Variants in NTN1 observed in about 807,000 individuals in gnomAD.
NTN1 encodes the protein netrin 1, also known as netrin-1.
In NTN1, 11 loss-of-function variants were observed where a neutral mutation model predicts 54.2. The observed-to-expected ratio is 0.20, with a 90% confidence interval of 0.13 to 0.34. The LOEUF (loss-of-function observed/expected upper bound fraction) is 0.34. Among genes scored for constraint, NTN1 ranks in the 10% least tolerant of loss-of-function variants. The pLI is 1.00. For missense variants in NTN1, 740 were observed against 893.1 expected, an observed-to-expected ratio of 0.83 and a Z score of 2.18; for synonymous variants, 371 against 382.0, an observed-to-expected ratio of 0.97 and a Z score of 0.33.
Position 9,174,797 on chromosome 17 carries a change from G to C in NTN1, c.1208-5010G>C, listed in dbSNP as rs182829275. The C allele has an allele frequency of 3.1e-4, 47 of 152,546 alleles. 1 individual carries two copies. Among genetic ancestry groups the C allele is most frequent in the African/African-American group, 1.1e-3 (44 of 41,588 alleles). The allele number at this position is 152,546 out of a possible 1,614,324, so 9.4% of individuals were successfully genotyped here. A position where few individuals can be genotyped will look rare whatever the true frequency, so the allele number is the denominator to read the frequency against. On this transcript the variant is annotated intron_variant, in intron 3 of 6. Coordinates refer to ENST00000173229, the MANE Select transcript of NTN1 (RefSeq NM_004822.3). ...CATTGTGTGTGGCAGGGAGTACACA[G>C]TTTAGCCCATAGCACAAGGTCAGGC...
chr17:9,235,892 C>T (rs542957593), intron 6 of NTN1, among the ~76,000 whole-genome samples: 1 of 152,148 alleles, frequency 6.6e-6, no homozygotes, highest in South Asian at 2.1e-4. Flanking sequence ...GCTGGGACTA[C>T]AGGCGTCCAC....
At chr17:9,130,323 G>A (rs2092260669) in intron 2 of NTN1, among the ~76,000 whole-genome samples, 1 of 152,136 alleles carries the variant, frequency 6.6e-6, no homozygotes, top group Non-Finnish European at 1.5e-5. Context: ...ATCATCCTGA[G>A]GACTAAGGGA....
At chr17:9,198,461 A>G (rs1904695820) in intron 5 of NTN1, among the ~76,000 whole-genome samples, 1 of 152,214 alleles carries the variant, frequency 6.6e-6, no homozygotes, top group African/African-American at 2.4e-5. Flanking sequence ...GCACAGGTCC[A>G]GTCAAGGGGC....
intron 5 of NTN1, among the ~76,000 whole-genome samples, chr17:9,201,688 C>G (rs1288520155): frequency 6.6e-6 from 1 of 152,088 alleles, no homozygotes; most frequent in African/African-American, 2.4e-5. Context: ...GGATCAGATG[C>G]ACTACTTGGG....
At chr17:9,041,895 G>A (rs1456196749) in intron 2 of NTN1, among the ~76,000 whole-genome samples, 1 of 151,976 alleles carries the variant, frequency 6.6e-6, no homozygotes, top group Non-Finnish European at 1.5e-5. Flanking sequence ...TGTAGTCCCA[G>A]CCACTCGGGA....
chr17:9,226,163 G>GGGC (rs1555578681), intron 6 of NTN1, among the ~76,000 whole-genome samples: 7 of 142,264 alleles, frequency 4.9e-5, no homozygotes, highest in African/African-American at 1.3e-4. Flanking sequence ...ATTTGGGGTC[G>GGGC]GGGGGGGGCC....
In NTN1 at chr17:9,071,320, G is replaced by A. The variant is rs115922235; in HGVS notation, c.1018+47929G>A. On this transcript the variant is annotated intron_variant, in intron 2 of 6. Transcript: ENST00000173229. Reference sequence around the variant, plus strand: ...TTAAAGGGAAGCCTCTGGAACCACCGTGTTAAGCTCCTGACACGGTCCACA... The same window carrying A: ...TTAAAGGGAAGCCTCTGGAACCACCATGTTAAGCTCCTGACACGGTCCACA... Among the ~76,000 whole-genome samples the A allele has an allele frequency of 7.3e-3, 1,108 of 152,166 alleles. 10 individuals carry two copies. The highest frequency in any genetic ancestry group is 0.025 in the African/African-American group (1,058 of 41,526).
intron 2 of NTN1, among the ~76,000 whole-genome samples, chr17:9,057,995 C>T (rs894586213): frequency 6.6e-6 from 1 of 152,216 alleles, no homozygotes; most frequent in Non-Finnish European, 1.5e-5. Flanking sequence ...TCTAGCGATT[C>T]TCCTGCCTCA....
chr17:9,020,457 T>C (rs2091842351), upstream of NTN1, among the ~76,000 whole-genome samples: 3 of 152,222 alleles, frequency 2.0e-5, no homozygotes, highest in Admixed American at 1.3e-4. Flanking sequence ...AGATGCCCCA[T>C]GACACCATCA....
intron 2 of NTN1, among the ~76,000 whole-genome samples, chr17:9,154,304 C>G (rs1480484946): frequency 6.6e-6 from 1 of 152,170 alleles, no homozygotes; most frequent in Non-Finnish European, 1.5e-5. Flanking sequence ...TGCATGGTGC[C>G]CAGAATGCAC....
At chr17:9,075,171 C>T (rs146120693) in intron 2 of NTN1, among the ~76,000 whole-genome samples, 14 of 152,280 alleles carry the variant, frequency 9.2e-5, no homozygotes, top group South Asian at 8.3e-4. Context: ...CCTCCTCTCC[C>T]GGTTCTTCCA....
At chr17:9,118,374 C>G (rs548837676) in intron 2 of NTN1, among the ~76,000 whole-genome samples, 1 of 152,046 alleles carries the variant, frequency 6.6e-6, no homozygotes, top group Admixed American at 6.6e-5. Context: ...AAAAATTAAC[C>G]GGGCGTGGTG....
chr17:9,145,298 A>T (rs2092310292), intron 2 of NTN1, among the ~76,000 whole-genome samples: 1 of 152,168 alleles, frequency 6.6e-6, no homozygotes, highest in Non-Finnish European at 1.5e-5. Context: ...TCTTGTTCCC[A>T]AGCCCCCTAA....
intron 6 of NTN1, among the ~76,000 whole-genome samples, chr17:9,229,983 G>A (rs1306710325): frequency 1.3e-5 from 2 of 152,114 alleles, no homozygotes; most frequent in South Asian, 2.1e-4. Context: ...CAGATGAGCC[G>A]GGGAGGGGAG....
At chr17:9,193,646 GGC>G (rs1904527430) in intron 5 of NTN1, among the ~76,000 whole-genome samples, 2 of 152,108 alleles carry the variant, frequency 1.3e-5, no homozygotes, top group Non-Finnish European at 1.5e-5. Context: ...TATGCGGCTG[GGC>G]ACGGTGGCTC....
At position 9,188,818 on chromosome 17, in the gene NTN1, T is replaced by G. The variant is rs147919697; in HGVS notation, c.1411+5849T>G. 1.2e-3 allele frequency among the ~76,000 whole-genome samples: 178 copies of G among 152,196 alleles called. 1 individual carries two copies. The East Asian group carries it at 0.029, about 25-fold the overall frequency. ...GCTCTTGGTATAGGAGAAAGGGAGC[T>G]GTGGGGTCCACAGAGGAGACCACTG... On this transcript the variant is annotated intron_variant, in intron 5 of 6. Coordinates refer to ENST00000173229, the MANE Select transcript of NTN1 (RefSeq NM_004822.3).
At chr17:9,105,905 A>T (rs777870446) in intron 2 of NTN1, among the ~76,000 whole-genome samples, 12 of 151,942 alleles carry the variant, frequency 7.9e-5, no homozygotes, top group African/African-American at 2.9e-4. Context: ...ACACCCTGGT[A>T]TTCCGATTTA....
At chr17:9,036,822 A>G (rs1396076713) in intron 2 of NTN1, among the ~76,000 whole-genome samples, 1 of 151,974 alleles carries the variant, frequency 6.6e-6, no homozygotes, top group Non-Finnish European at 1.5e-5. Context: ...TGAATGATAC[A>G]TTTTCCAACC....
intron 2 of NTN1, among the ~76,000 whole-genome samples, chr17:9,114,162 AAAAAATATAT>A (rs2092202329): frequency 8.3e-5 from 7 of 84,266 alleles, no homozygotes; most frequent in Non-Finnish European, 1.4e-4. Context: ...AGAAAAAAAA[AAAAAATATAT>A]ATATATATAT....
Sources: allele counts gnomAD v4.1 joint callset (sites outside exome capture counted in the v4.1 genomes callset), GRCh38; gene constraint gnomAD v4.1.1; transcripts MANE v1.5; gene names NCBI Gene and HGNC (gene_info 2026-07-23, HGNC 2026-07-21).